NAALADL2: variants seen among roughly 807,000 people sequenced by gnomAD.
NAALADL2 encodes inactive N-acetylated-alpha-linked acidic dipeptidase-like protein 2.
Under a neutral mutation model 87.2 loss-of-function variants are expected in NAALADL2, and 76 were observed. That is an observed-to-expected ratio of 0.87 (90% CI 0.72 to 1.05). The LOEUF is 1.05. Among genes scored for constraint, NAALADL2 ranks in the 50% least tolerant of loss-of-function variants. The pLI, the probability that NAALADL2 is intolerant of heterozygous loss-of-function variation, is 0.00. For missense variants in NAALADL2, 1,089 were observed against 945.8 expected (o/e 1.15, Z -1.99); for synonymous variants, 354 against 331.0 (o/e 1.07, Z -0.75).
intron 3 of NAALADL2, among the ~76,000 whole-genome samples, chr3:174,780,291 ATTGGTGT>A (rs1337818140): frequency 6.6e-6 from 1 of 152,038 alleles, no homozygotes; most frequent in Non-Finnish European, 1.5e-5. Context: ...TTTGTCTGTT[ATTGGTGT>A]ATAGCAAAGC....
chr3:174,592,695 A>T (rs1056147143), intron 2 of NAALADL2, among the ~76,000 whole-genome samples: 1 of 152,154 alleles, frequency 6.6e-6, no homozygotes, highest in Non-Finnish European at 1.5e-5. Flanking sequence ...ACTAGCAGAA[A>T]TATTTACTTC....
intron 2 of NAALADL2, among the ~76,000 whole-genome samples, chr3:174,729,810 G>C (rs1732540688): frequency 6.6e-6 from 1 of 151,860 alleles, no homozygotes; most frequent in Non-Finnish European, 1.5e-5. Flanking sequence ...ATAACCTCCA[G>C]AGCATTTTTA....
At chr3:175,065,700 T>C (rs921729868) in intron 1 of NAALADL2, among the ~76,000 whole-genome samples, 4 of 152,162 alleles carry the variant, frequency 2.6e-5, no homozygotes, top group African/African-American at 9.7e-5. Flanking sequence ...CTGCAATCCT[T>C]GTCAAAGGTC....
intron 5 of NAALADL2, among the ~76,000 whole-genome samples, chr3:175,413,297 C>G (rs949268712): frequency 1.9e-4 from 29 of 150,846 alleles, no homozygotes; most frequent in African/African-American, 7.1e-4. Flanking sequence ...TTAGGCCGAG[C>G]GCGGTGGCTC....
chr3:174,623,287 A>T (rs890443866), intron 2 of NAALADL2, among the ~76,000 whole-genome samples: 1 of 152,208 alleles, frequency 6.6e-6, no homozygotes, highest in Admixed American at 6.5e-5. Context: ...CTACAAAATT[A>T]TTACATAATA....
intron 11 of NAALADL2, among the ~76,000 whole-genome samples, chr3:175,669,564 G>A (rs59321067): frequency 3.3e-5 from 5 of 151,920 alleles, no homozygotes; most frequent in Non-Finnish European, 5.9e-5. Flanking sequence ...TATTATTATA[G>A]TTGTAATATT....
At chr3:175,320,770 C>T (rs1198386379) in intron 4 of NAALADL2, among the ~76,000 whole-genome samples, 3 of 152,002 alleles carry the variant, frequency 2.0e-5, no homozygotes, top group Non-Finnish European at 4.4e-5. Flanking sequence ...CATGCACTCT[C>T]CCAAGACTAA....
At position 174,628,508 on chromosome 3, in the gene NAALADL2, T is replaced by C. The variant is rs570871535; in HGVS notation, c.-115+77871T>C. ...AAAAAAAAAAAAAAAGATTATCTAT[T>C]TCTATTCCCTGTTTTTATACATAAG... On this transcript the variant is annotated intron_variant, in intron 2 of 3. Coordinates refer to the NAALADL2 transcript ENST00000434257. Among the ~76,000 whole-genome samples, 236 of 151,768 alleles carry C rather than the reference T, an allele frequency of 1.6e-3. 2 individuals are homozygous for C. Among genetic ancestry groups the C allele is most frequent in the African/African-American group, 5.6e-3 (232 of 41,392 alleles).
intron 2 of NAALADL2, among the ~76,000 whole-genome samples, chr3:174,652,962 C>T (rs1724525583): frequency 6.6e-6 from 1 of 152,084 alleles, no homozygotes. Flanking sequence ...AAAAATTGCT[C>T]ATTCTCATTA....
intron 1 of NAALADL2, among the ~76,000 whole-genome samples, chr3:174,870,031 G>T (rs752084617): frequency 7.2e-6 from 1 of 138,906 alleles, no homozygotes; most frequent in African/African-American, 2.7e-5. Context: ...AAAAAAAAAA[G>T]GCTAATTATG....
rs182595176 is a variant in NAALADL2 at position 175,221,742 on chromosome 3, G to A, written c.546-12189G>A. Among the ~76,000 whole-genome samples the A allele has an allele frequency of 2.0e-4, 30 of 146,510 alleles. No homozygotes were observed. The East Asian group carries it at 5.3e-3, about 26-fold the overall frequency. On this transcript the variant is annotated intron_variant, in intron 2 of 13. Coordinates refer to ENST00000454872, the MANE Select transcript of NAALADL2 (RefSeq NM_207015.3). Reference sequence around the variant, plus strand: ...TTATTTTTATTTCTTTATTTTTGTAGAGTAGATATTCAGTGGTTATTTATT... The same window carrying A: ...TTATTTTTATTTCTTTATTTTTGTAAAGTAGATATTCAGTGGTTATTTATT...
chr3:175,366,450 G>A (rs962048695), intron 5 of NAALADL2, among the ~76,000 whole-genome samples: 1 of 151,522 alleles, frequency 6.6e-6, no homozygotes, highest in Non-Finnish European at 1.5e-5. Context: ...TTCCACAACG[G>A]TTGAACTAGT....
At chr3:175,405,286 A>G (rs1288612593) in intron 5 of NAALADL2, among the ~76,000 whole-genome samples, 2 of 152,134 alleles carry the variant, frequency 1.3e-5, no homozygotes, top group Admixed American at 1.3e-4. Context: ...CTTATAATTC[A>G]ACATAATAAA....
At chr3:175,780,614 T>G (rs1271444116) in intron 13 of NAALADL2, among the ~76,000 whole-genome samples, 1 of 152,182 alleles carries the variant, frequency 6.6e-6, no homozygotes. Flanking sequence ...AAAGCCTTTA[T>G]TTATTCACAG....
intron 1 of NAALADL2, among the ~76,000 whole-genome samples, chr3:174,472,897 T>C (rs896256239): frequency 1.3e-5 from 2 of 152,158 alleles, no homozygotes; most frequent in African/African-American, 4.8e-5. Context: ...TTTGTGTTTA[T>C]TGTGCAGTAT....
intron 1 of NAALADL2, among the ~76,000 whole-genome samples, chr3:174,869,805 A>T (rs1727582067): frequency 6.6e-6 from 1 of 151,894 alleles, no homozygotes; most frequent in Non-Finnish European, 1.5e-5. Flanking sequence ...AGACCAGCCT[A>T]GGTCAACATG....
At chr3:174,443,631 G>A (rs1388445890) in intron 1 of NAALADL2, among the ~76,000 whole-genome samples, 1 of 152,174 alleles carries the variant, frequency 6.6e-6, no homozygotes, top group Non-Finnish European at 1.5e-5. Flanking sequence ...CGAAGAGATT[G>A]AATGCATCAA....
At chr3:175,744,254 C>T (rs1467591013) in intron 12 of NAALADL2, among the ~76,000 whole-genome samples, 1 of 152,162 alleles carries the variant, frequency 6.6e-6, no homozygotes, top group African/African-American at 2.4e-5. Flanking sequence ...CACTCCAAGC[C>T]AGACACCTCT....
At chr3:175,645,682 A>G (rs1288576891) in intron 11 of NAALADL2, among the ~76,000 whole-genome samples, 4 of 152,110 alleles carry the variant, frequency 2.6e-5, no homozygotes, top group Admixed American at 2.0e-4. Context: ...TGTCACTGGA[A>G]ACTAGAGAAC....
Sources: gnomAD v4.1 joint callset for allele counts (sites outside exome capture counted in the v4.1 genomes callset) on GRCh38, gnomAD v4.1.1 for gene constraint, MANE v1.5 for transcripts, NCBI Gene and HGNC (gene_info 2026-07-23, HGNC 2026-07-21) for gene names.